The following TXNDC16 variants were observed in gnomAD, a reference collection of about 807,000 sequenced individuals.
The protein encoded by TXNDC16 is thioredoxin domain containing 16.
TXNDC16 carries 74 observed loss-of-function variants against 85.6 expected under a neutral mutation model. The observed-to-expected ratio is 0.86, with a 90% CI of 0.72 to 1.05. TXNDC16 has a LOEUF of 1.05. Among genes scored for constraint, TXNDC16 ranks in the 50% least tolerant of loss-of-function variants. The probability of loss-of-function intolerance (pLI) is 0.00; values close to 1 mark genes in which losing one functional copy is unlikely to be tolerated. For missense variants in TXNDC16, 959 were observed against 947.0 expected (o/e 1.01, Z -0.17); for synonymous variants, 335 against 326.5 (o/e 1.03, Z -0.28).
chr14:52,527,394 A>G (rs2037361824), intron 6 of TXNDC16, among the ~76,000 whole-genome samples: 2 of 152,334 alleles, frequency 1.3e-5, no homozygotes, highest in East Asian at 3.9e-4. Flanking sequence ...CTGGTCACAG[A>G]AGTATTCTAC....
chr14:52,511,214 A>G, intron 9 of TXNDC16, 26 bp downstream of exon 9: 1 of 1,453,512 alleles, frequency 6.9e-7, no homozygotes, highest in Non-Finnish European at 9.2e-7. Context: ...TAGAAAGCAA[A>G]TAAAAATATA....
chr14:52,521,996 T>A (rs952564242), intron 6 of TXNDC16, among the ~76,000 whole-genome samples: 4 of 152,184 alleles, frequency 2.6e-5, no homozygotes, highest in African/African-American at 9.6e-5. Flanking sequence ...AGGTGGCAAC[T>A]AAAGAATGGC....
Position 52,509,658 on chromosome 14 carries a change from A to T in TXNDC16, c.756+1582T>A, listed in dbSNP as rs182198025. Among the ~76,000 whole-genome samples, 126 of 150,598 alleles carry T rather than the reference A, an allele frequency of 8.4e-4. 1 individual carries two copies. In the East Asian group the frequency reaches 0.014, roughly 17 times the overall value. The stretch of plus-strand genomic sequence containing the variant: ...AAAGTATAATAATAATAAAAAAATT[A>T]AAAAATGGCAGCACATAAAAAAAAA... On this transcript the variant is annotated intron_variant, in intron 9 of 20. Transcript: ENST00000281741.
intron 16 of TXNDC16, among the ~76,000 whole-genome samples, chr14:52,467,069 T>G (rs1418451171): frequency 1.3e-5 from 2 of 151,464 alleles, no homozygotes; most frequent in African/African-American, 2.4e-5. Flanking sequence ...ACTAATAGAC[T>G]AAGTATCAAT....
chr14:52,528,988 A>G (rs565410315), intron 6 of TXNDC16, among the ~76,000 whole-genome samples: 2 of 147,862 alleles, frequency 1.4e-5, no homozygotes, highest in East Asian at 3.9e-4. Flanking sequence ...TATAATCTAT[A>G]TAAAACCTAT....
chr14:52,440,793 T>C (rs2035147154), intron 18 of TXNDC16, 69 bp from the exon 19 acceptor site: 2 of 1,392,200 alleles, frequency 1.4e-6, no homozygotes, highest in Non-Finnish European at 9.8e-7. Context: ...ACAGAAGACA[T>C]TCAAATCACT....
chr14:52,498,623 G>A (rs2036587156), intron 9 of TXNDC16, among the ~76,000 whole-genome samples: 1 of 152,002 alleles, frequency 6.6e-6, no homozygotes, highest in African/African-American at 2.4e-5. Context: ...GGAGGTAAAA[G>A]ACCCTTATAC....
At chr14:52,498,092 T>C (rs1442858691) in intron 9 of TXNDC16, among the ~76,000 whole-genome samples, 2 of 152,010 alleles carry the variant, frequency 1.3e-5, no homozygotes, top group African/African-American at 4.8e-5. Context: ...TTGAAAATAT[T>C]CAACACAATT....
chr14:52,461,993 C>T (rs2035662848), intron 16 of TXNDC16, among the ~76,000 whole-genome samples: 1 of 152,152 alleles, frequency 6.6e-6, no homozygotes, highest in Non-Finnish European at 1.5e-5. Flanking sequence ...TAGATCCAGG[C>T]AAAAATATCT....
chr14:52,490,875 C>T lies in TXNDC16; in HGVS notation c.887G>A (p.Arg296His), dbSNP rs533845800. The change falls in exon 10 of 21, where the codon CGT becomes CAT. Residue 296 changes from arginine to histidine, a missense_variant. Transcript: ENST00000281741. ...TAGAACTCCTGCTTTTCCCAGAAGACGCCAAGCAACCCATTCTGCAGTTCT... is the reference window on the plus strand; with the variant it reads ...TAGAACTCCTGCTTTTCCCAGAAGATGCCAAGCAACCCATTCTGCAGTTCT... The part of the protein sequence containing the change: ...DRRTAEWVAW[R>H]LLGKAGVLLL... 8.7e-6 allele frequency: 14 copies of T among 1,612,062 alleles called. No homozygotes were observed. Among genetic ancestry groups the T allele is most frequent in the African/African-American group, 2.7e-5 (2 of 74,730 alleles).
chr14:52,541,201 A>AATT (rs2037823197), intron 4 of TXNDC16, among the ~76,000 whole-genome samples: 2 of 150,884 alleles, frequency 1.3e-5, no homozygotes, highest in South Asian at 2.1e-4. Context: ...GTCCCATTGC[A>AATT]CTCCAGCCTG....
Position 52,490,972 on chromosome 14 carries a change from T to C in TXNDC16, c.790A>G (p.Thr264Ala). ...EVAEDPQQVS[T>A]VHLQLGLPLV... ...GGTAAGCCCAGTTGGAGATGGACAGTTGAAACTTGTTGAGGATCTTCAGCA... is the reference window on the plus strand; with the variant it reads ...GGTAAGCCCAGTTGGAGATGGACAGCTGAAACTTGTTGAGGATCTTCAGCA... Residue 264 changes from threonine to alanine, a missense_variant, in exon 10 of 21, where the codon ACT (threonine) becomes GCT (alanine). Physicochemically the swap from Thr to Ala is moderately conservative, Grantham distance 58. Transcript: ENST00000281741. 4 of 1,600,176 alleles carry C rather than the reference T, an allele frequency of 2.5e-6. No homozygotes were observed. Among genetic ancestry groups the C allele is most frequent in the Non-Finnish European group, 3.4e-6 (4 of 1,176,224 alleles).
At chr14:52,538,960 T>A (rs114849548) in intron 4 of TXNDC16, among the ~76,000 whole-genome samples, 2,919 of 152,302 alleles carry the variant, frequency 0.019, 67 homozygotes, top group African/African-American at 0.063. Flanking sequence ...TATGTAATTT[T>A]AAAAATTTTT....
chr14:52,458,357 A>T (rs1263392600), intron 16 of TXNDC16, among the ~76,000 whole-genome samples: 1 of 152,134 alleles, frequency 6.6e-6, no homozygotes, highest in Non-Finnish European at 1.5e-5. Context: ...CAGGAGTTTG[A>T]GATTAGCCTG....
At chr14:52,515,979 T>C (rs972626025) in intron 7 of TXNDC16, among the ~76,000 whole-genome samples, 7 of 152,164 alleles carry the variant, frequency 4.6e-5, no homozygotes, top group East Asian at 3.8e-4. Flanking sequence ...AACTATCTTT[T>C]TAAAAATTTT....
At chr14:52,525,782 A>C (rs1213793641) in intron 6 of TXNDC16, among the ~76,000 whole-genome samples, 1 of 150,596 alleles carries the variant, frequency 6.6e-6, no homozygotes, top group African/African-American at 2.4e-5. Flanking sequence ...TTCTAAATAC[A>C]ATCATCTCTC....
At chr14:52,461,591 A>C (rs1306040203) in intron 16 of TXNDC16, among the ~76,000 whole-genome samples, 1 of 152,146 alleles carries the variant, frequency 6.6e-6, no homozygotes, top group Non-Finnish European at 1.5e-5. Flanking sequence ...GATGCCTATA[A>C]AAGGCAGGGC....
chr14:52,496,848 C>T (rs182185119), intron 9 of TXNDC16, among the ~76,000 whole-genome samples: 1 of 151,992 alleles, frequency 6.6e-6, no homozygotes, highest in Admixed American at 6.6e-5. Flanking sequence ...TGACCTCAAG[C>T]GATCCACCCA....
intron 14 of TXNDC16, among the ~76,000 whole-genome samples, chr14:52,473,270 C>A (rs567949930): frequency 7.2e-5 from 11 of 152,012 alleles, no homozygotes; most frequent in Non-Finnish European, 1.0e-4. Flanking sequence ...TTTCCTGGTG[C>A]GCGACAACGA....
Sources: gnomAD v4.1 joint callset for allele counts (sites outside exome capture counted in the v4.1 genomes callset) on GRCh38, gnomAD v4.1.1 for gene constraint, MANE v1.5 for transcripts, NCBI Gene and HGNC (gene_info 2026-07-23, HGNC 2026-07-21) for gene names.